TDRP: variants seen among roughly 807,000 people sequenced by gnomAD.
TDRP encodes testis development related protein, also known as testis development-related protein.
In TDRP, 12 loss-of-function variants were observed where a neutral mutation model predicts 10.5. The ratio of observed to expected loss-of-function variants is 1.15; its 90% confidence interval spans 0.73 to 1.86. The LOEUF (loss-of-function observed/expected upper bound fraction) is 1.86. Ranked by LOEUF, TDRP falls within the 40% of genes most tolerant of loss-of-function variation. TDRP has a pLI of 0.00. For synonymous variants in TDRP, 139 were observed against 95.4 expected, an observed-to-expected ratio of 1.46 and a Z score of -2.67; for missense variants, 353 against 229.2, an observed-to-expected ratio of 1.54 and a Z score of -3.49.
At chr8:506,430 T>A (rs1421941104) in intron 1 of TDRP, among the ~76,000 whole-genome samples, 1 of 152,114 alleles carries the variant, frequency 6.6e-6, no homozygotes, top group African/African-American at 2.4e-5. Flanking sequence ...GACTTCAGCT[T>A]CTCACATGCC....
rs143281657 is a variant in TDRP, at chr8:524,943, T to A, written c.108+19707A>T. 6.5e-4 allele frequency among the ~76,000 whole-genome samples: 99 copies of A among 152,234 alleles called. 1 individual carries two copies. The highest frequency in any genetic ancestry group is 6.8e-3 in the Middle Eastern group (2 of 294). ...AACTTCTCAATCCTAGAGAAAGACA[T>A]CTATATTCAAGTACAAGAAGATTAT... is the stretch of plus-strand genomic sequence containing the variant. On this transcript the variant is annotated intron_variant, in intron 1 of 2. Coordinates refer to ENST00000324079, the MANE Select transcript of TDRP (RefSeq NM_001384899.1).
At chr8:526,351 C>G (rs2116839518) in intron 1 of TDRP, among the ~76,000 whole-genome samples, 1 of 152,262 alleles carries the variant, frequency 6.6e-6, no homozygotes, top group Non-Finnish European at 1.5e-5. Flanking sequence ...AGCTATGAAT[C>G]TGTTGCATAT....
intron 1 of TDRP, among the ~76,000 whole-genome samples, chr8:510,672 C>A (rs1397618648): frequency 1.3e-5 from 2 of 152,186 alleles, no homozygotes; most frequent in Non-Finnish European, 2.9e-5. Flanking sequence ...AAAATACAGA[C>A]TTTCCTAGAT....
intron 1 of TDRP, among the ~76,000 whole-genome samples, chr8:520,567 G>A (rs1801876071): frequency 6.6e-6 from 1 of 152,200 alleles, no homozygotes; most frequent in African/African-American, 2.4e-5. Context: ...TGCCAACAGT[G>A]CACAGGTGTT....
intron 1 of TDRP, among the ~76,000 whole-genome samples, chr8:543,460 T>G (rs2116889894): frequency 6.6e-6 from 1 of 152,312 alleles, no homozygotes; most frequent in South Asian, 2.1e-4. Context: ...ATTAGTTATT[T>G]GTAGCTTCTG....
In TDRP at chr8:492,358, A is replaced by G. The variant is rs2116703477; in HGVS notation, c.*41T>C. The G allele has an allele frequency of 6.9e-7, 1 of 1,454,660 alleles. No individual in the cohort carries two copies. Among genetic ancestry groups the G allele is most frequent in the East Asian group, 2.5e-5 (1 of 40,650 alleles). The allele number at this position is 1,454,660 out of a possible 1,614,324, so 90.1% of individuals were successfully genotyped here. A position where few individuals can be genotyped will look rare whatever the true frequency, so the allele number is the denominator to read the frequency against. ...TCAACAACTACATGGTATACTCATAAAAGGCCACCATGTCGGGGCACACTT... is the reference window on the plus strand; with the variant it reads ...TCAACAACTACATGGTATACTCATAGAAGGCCACCATGTCGGGGCACACTT... On this transcript the variant is annotated 3_prime_UTR_variant, in exon 3 of 3. Coordinates refer to ENST00000324079, the MANE Select transcript of TDRP (RefSeq NM_001384899.1).
At chr8:502,166 C>G (rs981758704) in intron 1 of TDRP, among the ~76,000 whole-genome samples, 2 of 152,218 alleles carry the variant, frequency 1.3e-5, no homozygotes, top group African/African-American at 4.8e-5. Context: ...TTACGTACAA[C>G]AAAAAGGCAC....
chr8:498,026 G>A (rs925700184), intron 1 of TDRP, among the ~76,000 whole-genome samples: 4 of 152,176 alleles, frequency 2.6e-5, no homozygotes, highest in African/African-American at 9.7e-5. Flanking sequence ...GGACATCCAA[G>A]CAGAAATCTG....
intron 1 of TDRP, among the ~76,000 whole-genome samples, chr8:514,327 A>G (rs930724010): frequency 3.9e-5 from 6 of 152,238 alleles, no homozygotes; most frequent in African/African-American, 1.4e-4. Flanking sequence ...TTGATTTTCA[A>G]GAAGAGTGCC....
At chr8:525,239 G>C (rs1036266169) in intron 1 of TDRP, among the ~76,000 whole-genome samples, 3 of 152,104 alleles carry the variant, frequency 2.0e-5, no homozygotes, top group Non-Finnish European at 2.9e-5. Context: ...GCATGAAGGA[G>C]AAAGATCTTC....
At chr8:509,623 A>AT (rs988174816) in intron 1 of TDRP, among the ~76,000 whole-genome samples, 10 of 151,720 alleles carry the variant, frequency 6.6e-5, no homozygotes, top group African/African-American at 9.7e-5. Context: ...CATCTGACCC[A>AT]TTTTTTCCTC....
chr8:527,363 G>A (rs981338753), intron 1 of TDRP, among the ~76,000 whole-genome samples: 1 of 151,842 alleles, frequency 6.6e-6, no homozygotes, highest in Non-Finnish European at 1.5e-5. Context: ...CAGATTCAAT[G>A]TAATCCCATT....
chr8:507,795 G>C (rs76201238), intron 1 of TDRP, among the ~76,000 whole-genome samples: 9,027 of 152,272 alleles, frequency 0.059, 370 homozygotes, highest in South Asian at 0.13. Flanking sequence ...AAAATGTCCA[G>C]TTTCTAACCA....
At chr8:497,268 T>C (rs1205992798) in intron 1 of TDRP, among the ~76,000 whole-genome samples, 2 of 152,168 alleles carry the variant, frequency 1.3e-5, no homozygotes, top group African/African-American at 4.8e-5. Flanking sequence ...ATACAGACAA[T>C]GAAGTCCAGG....
intron 1 of TDRP, among the ~76,000 whole-genome samples, chr8:543,409 G>A (rs746390012): frequency 2.6e-5 from 4 of 152,066 alleles, no homozygotes; most frequent in Non-Finnish European, 4.4e-5. Flanking sequence ...AATTCTCAAG[G>A]CTCTATCCAG....
chr8:496,891 G>A (rs151287879), intron 1 of TDRP, among the ~76,000 whole-genome samples: 35 of 152,184 alleles, frequency 2.3e-4, no homozygotes, highest in South Asian at 1.2e-3. Context: ...CTATCCTGCC[G>A]CCATGTAAGA....
intron 1 of TDRP, among the ~76,000 whole-genome samples, chr8:506,396 C>T (rs987335202): frequency 1.3e-5 from 2 of 152,200 alleles, no homozygotes; most frequent in African/African-American, 2.4e-5. Flanking sequence ...CCAAGTGGAA[C>T]GACTTTCATC....
chr8:501,389 C>T (rs1319495182), intron 1 of TDRP, among the ~76,000 whole-genome samples: 1 of 151,252 alleles, frequency 6.6e-6, no homozygotes. Flanking sequence ...CTCTGTTGCC[C>T]AGGCTGGAGT....
intron 1 of TDRP, among the ~76,000 whole-genome samples, chr8:538,975 C>T (rs1332661443): frequency 3.3e-5 from 5 of 152,210 alleles, no homozygotes; most frequent in African/African-American, 4.8e-5. Context: ...CACGCATCCT[C>T]GGACAGCTCC....
Sources: gnomAD v4.1 joint callset for allele counts (sites outside exome capture counted in the v4.1 genomes callset) on GRCh38, gnomAD v4.1.1 for gene constraint, MANE v1.5 for transcripts, NCBI Gene and HGNC (gene_info 2026-07-23, HGNC 2026-07-21) for gene names.